GRIK2: variants seen among roughly 807,000 people sequenced by gnomAD.
GRIK2 encodes glutamate ionotropic receptor kainate type subunit 2.
GRIK2 carries 32 observed loss-of-function variants against 100.3 expected under a neutral mutation model. The ratio of observed to expected loss-of-function variants is 0.32; its 90% CI spans 0.24 to 0.43. The LOEUF (loss-of-function observed/expected upper bound fraction) is 0.43, where lower values mean the gene tolerates loss of function less well. Among genes scored for constraint, GRIK2 ranks in the 20% least tolerant of loss-of-function variants. The pLI is 1.00. For synonymous variants in GRIK2, 417 were observed against 389.4 expected, an observed-to-expected ratio of 1.07 and a Z score of -0.83; for missense variants, 843 against 1,114.9, an observed-to-expected ratio of 0.76 and a Z score of 3.47.
chr6:101,399,217 A>G lies in GRIK2; in HGVS notation c.-61A>G, dbSNP rs981159431. 3 of 833,420 alleles carry G rather than the reference A, an allele frequency of 3.6e-6. No homozygotes were observed. The African/African-American group carries it at 5.0e-5, about 14-fold the overall frequency. 51.6% of individuals were successfully genotyped at this position (833,420 alleles called of 1,614,324 possible). The stretch of plus-strand genomic sequence containing the variant: ...TCGACGCATCCTCATTTCTACCCGA[A>G]CCCAGGAGCCGAACGCTAGATCGGG... On this transcript the variant is annotated 5_prime_UTR_variant, in exon 2 of 17. Coordinates refer to ENST00000369134, the MANE Select transcript of GRIK2 (RefSeq NM_021956.5).
intron 3 of GRIK2, among the ~76,000 whole-genome samples, chr6:101,623,038 T>A (rs1780240133): frequency 6.6e-6 from 1 of 152,094 alleles, no homozygotes; most frequent in African/African-American, 2.4e-5. Context: ...AGGAAAAGGC[T>A]TATAAAGTGT....
chr6:101,729,514 C>T (rs1251380688), intron 7 of GRIK2, among the ~76,000 whole-genome samples: 1 of 151,868 alleles, frequency 6.6e-6, no homozygotes, highest in Non-Finnish European at 1.5e-5. Flanking sequence ...TAGTAAATTG[C>T]ATATTGCACA....
At chr6:101,710,712 G>A (rs767907578) in intron 7 of GRIK2, among the ~76,000 whole-genome samples, 3 of 151,588 alleles carry the variant, frequency 2.0e-5, no homozygotes, top group Non-Finnish European at 2.9e-5. Flanking sequence ...CTTCCTTTCC[G>A]CGTAGGCTGT....
chr6:101,874,993 T>G (rs1470138925), intron 11 of GRIK2, among the ~76,000 whole-genome samples: 7 of 152,160 alleles, frequency 4.6e-5, no homozygotes, highest in Non-Finnish European at 1.0e-4. Context: ...TAAGGAAATT[T>G]TGGGCTGAGA....
chr6:101,403,949 G>A (rs1177350087), intron 2 of GRIK2, among the ~76,000 whole-genome samples: 1 of 152,172 alleles, frequency 6.6e-6, no homozygotes, highest in Admixed American at 6.5e-5. Flanking sequence ...TACTCTTAAA[G>A]CTTCAAAGAA....
chr6:101,691,599 G>A (rs1372656897), intron 7 of GRIK2, among the ~76,000 whole-genome samples: 5 of 152,174 alleles, frequency 3.3e-5, no homozygotes, highest in South Asian at 4.1e-4. Context: ...ACTGCGCTCG[G>A]CCATTAGAAA....
intron 9 of GRIK2, among the ~76,000 whole-genome samples, chr6:101,805,353 G>A (rs1331239990): frequency 2.6e-5 from 4 of 150,984 alleles, no homozygotes; most frequent in African/African-American, 9.7e-5. Context: ...CTGCCCTCTT[G>A]GACAGTCTGA....
At chr6:102,055,046 T>G (rs1771397237) in intron 15 of GRIK2, among the ~76,000 whole-genome samples, 2 of 152,188 alleles carry the variant, frequency 1.3e-5, no homozygotes, top group African/African-American at 2.4e-5. Context: ...CTTTGTGGAT[T>G]CTTTCTTACT....
chr6:101,459,518 T>C (rs978736618), intron 2 of GRIK2, among the ~76,000 whole-genome samples: 1 of 152,192 alleles, frequency 6.6e-6, no homozygotes, highest in African/African-American at 2.4e-5. Context: ...TTTTAGAAGG[T>C]ACAGCTTACT....
At chr6:101,927,641 T>C (rs931149261) in intron 13 of GRIK2, 3 of 152,058 alleles carry the variant, frequency 2.0e-5, no homozygotes. Context: ...AAAAGTAAAA[T>C]ATAATTCTCA....
chr6:101,684,307 A>G (rs1214794277), intron 6 of GRIK2, among the ~76,000 whole-genome samples: 1 of 152,168 alleles, frequency 6.6e-6, no homozygotes, highest in Non-Finnish European at 1.5e-5. Flanking sequence ...AAATAAATGA[A>G]ACAACTAGTT....
In GRIK2 at chr6:101,984,133, A is replaced by G. The variant is rs548640999; in HGVS notation, c.2086-51208A>G. ...TTTAATATTCACATGTCAAATGGAT[A>G]AAATAATTAAAAATTCTCAAAATAT... On this transcript the variant is annotated intron_variant, in intron 14 of 16. Transcript: ENST00000369134. Among the ~76,000 whole-genome samples, 3 of 151,880 alleles carry G rather than the reference A, an allele frequency of 2.0e-5. No individual in the cohort carries two copies. The South Asian group carries it at 6.2e-4, about 31-fold the overall frequency.
intron 2 of GRIK2, among the ~76,000 whole-genome samples, chr6:101,576,118 T>A: frequency 6.6e-6 from 1 of 152,040 alleles, no homozygotes; most frequent in East Asian, 1.9e-4. Flanking sequence ...ACATTAAACA[T>A]GTATATTGGG....
intron 12 of GRIK2, among the ~76,000 whole-genome samples, chr6:101,890,819 G>A (rs900422035): frequency 6.6e-6 from 1 of 151,310 alleles, no homozygotes; most frequent in African/African-American, 2.4e-5. Context: ...TGTGCCTCAG[G>A]ACTGATGACT....
intron 11 of GRIK2, 42 bp from the exon 12 acceptor site, chr6:101,889,597 CT>C (rs762752873): frequency 4.8e-6 from 5 of 1,034,916 alleles, no homozygotes; most frequent in Non-Finnish European, 7.0e-6. Context: ...TTCTCTCTTT[CT>C]TTCTTTCTTT....
intron 10 of GRIK2, among the ~76,000 whole-genome samples, chr6:101,830,222 A>G (rs1405731681): frequency 6.6e-6 from 1 of 152,094 alleles, no homozygotes; most frequent in Non-Finnish European, 1.5e-5. Context: ...GGCTAACCAT[A>G]TGCACAAGAA....
Position 101,877,415 on chromosome 6 carries a change from T to C in GRIK2, c.1525-12225T>C, listed in dbSNP as rs561501236. ...ATAGCATTTACATTGACTTAATTAT[T>C]ATAAGCAATCTAGAGATGATTTAAA... On this transcript the variant is annotated intron_variant, in intron 11 of 16. Transcript: ENST00000369134. Among the ~76,000 whole-genome samples the C allele has an allele frequency of 3.3e-5, 5 of 152,006 alleles. No individual in the cohort carries two copies. The East Asian group carries it at 7.8e-4, about 24-fold the overall frequency.
At chr6:101,968,397 G>A (rs756278948) in intron 14 of GRIK2, among the ~76,000 whole-genome samples, 11 of 151,848 alleles carry the variant, frequency 7.2e-5, no homozygotes, top group Admixed American at 2.6e-4. Flanking sequence ...AATTTGCATT[G>A]CTATTAACAA....
intron 14 of GRIK2, among the ~76,000 whole-genome samples, chr6:101,985,916 C>A (rs1793992744): frequency 6.6e-6 from 1 of 151,598 alleles, no homozygotes; most frequent in Admixed American, 6.6e-5. Context: ...ATGCCATATA[C>A]CTTTCTAAAA....
Sources: gnomAD v4.1 joint callset for allele counts (sites outside exome capture counted in the v4.1 genomes callset) on GRCh38, gnomAD v4.1.1 for gene constraint, MANE v1.5 for transcripts, NCBI Gene and HGNC (gene_info 2026-07-23, HGNC 2026-07-21) for gene names.